The following CNOT6L variants were observed in gnomAD, a reference collection of about 807,000 sequenced individuals.
CNOT6L encodes CCR4-NOT transcription complex subunit 6 like.
Under a neutral mutation model 64.0 loss-of-function variants are expected in CNOT6L, and 7 were observed. The ratio of observed to expected loss-of-function variants is 0.11; its 90% CI spans 0.06 to 0.21. The LOEUF is 0.21. Ranked by LOEUF, CNOT6L falls within the 10% of genes least tolerant of loss-of-function variation. The pLI is 1.00. For synonymous variants in CNOT6L, 193 were observed against 243.4 expected (o/e 0.79, Z 1.93); for missense variants, 245 against 669.0 (o/e 0.37, Z 6.99).
rs760487087 is a variant in CNOT6L at position 77,776,417 on chromosome 4, A to T, written c.6-25T>A. 4.8e-6 allele frequency: 7 copies of T among 1,461,972 alleles called. No homozygotes were observed. The East Asian group carries it at 1.6e-4, about 34-fold the overall frequency. 90.6% of individuals were successfully genotyped at this position (1,461,972 alleles called of 1,614,324 possible). ...TCTGTTTAAAAAAAAAAAGGAGGAG[A>T]TCAATAATTATTATAGTCTTACTTT... On this transcript the variant is annotated intron_variant, in intron 1 of 11. Coordinates refer to ENST00000504123, the MANE Select transcript of CNOT6L (RefSeq NM_144571.3).
intron 1 of CNOT6L, among the ~76,000 whole-genome samples, chr4:77,781,197 G>T (rs994688261): frequency 6.6e-6 from 1 of 152,094 alleles, no homozygotes; most frequent in African/African-American, 2.4e-5. Flanking sequence ...GGGGGCAAGG[G>T]GAGGGAGAGC....
intron 11 of CNOT6L, among the ~76,000 whole-genome samples, chr4:77,721,361 A>G (rs758865055): frequency 7.2e-5 from 11 of 152,130 alleles, no homozygotes; most frequent in Non-Finnish European, 1.5e-4. Context: ...TAAGTCTAAA[A>G]CCAGGGGGCT....
Position 77,774,708 on chromosome 4 carries a change from G to T in CNOT6L, c.136C>A (p.Arg46=). 1.9e-6 allele frequency: 3 copies of T among 1,578,182 alleles called. No individual in the cohort carries two copies. The highest frequency in any genetic ancestry group is 2.6e-6 in the Non-Finnish European group (3 of 1,164,884). ...WAELEISGRV[R]SLSTSLWSLT... ...GACCAAAGTGATGTACTTAGGCTCC[G>T]CACTCTACCTAAAAGGCAAAATACT... Residue 46 remains arginine (R), a synonymous_variant, in exon 3 of 12, where the codon CGG becomes AGG. Transcript: ENST00000504123.
At chr4:77,817,741 C>T (rs1016189476) in intron 1 of CNOT6L, among the ~76,000 whole-genome samples, 3 of 152,212 alleles carry the variant, frequency 2.0e-5, no homozygotes, top group Non-Finnish European at 4.4e-5. Flanking sequence ...CTTCTCTTCC[C>T]TCCACTTCCC....
Position 77,720,090 on chromosome 4 carries a change from C to T in CNOT6L, c.*341G>A, listed in dbSNP as rs958106568. 5.0e-5 allele frequency: 9 copies of T among 181,138 alleles called. No homozygotes were observed. The Admixed American group carries it at 5.2e-4, about 11-fold the overall frequency. 11.2% of individuals were successfully genotyped at this position (181,138 alleles called of 1,614,324 possible). A position where few individuals can be genotyped will look rare whatever the true frequency, so the allele number is the denominator to read the frequency against. ...AAATGGTTGGCTCACTGAAACCATTCAAAAGAAAGTATTTGTTTTGGAAAA... is the reference window on the plus strand; with the variant it reads ...AAATGGTTGGCTCACTGAAACCATTTAAAAGAAAGTATTTGTTTTGGAAAA... On this transcript the variant is annotated 3_prime_UTR_variant, in exon 12 of 12. Coordinates refer to ENST00000504123, the MANE Select transcript of CNOT6L (RefSeq NM_144571.3).
At chr4:77,773,939 G>T (rs1371018733) in intron 3 of CNOT6L, among the ~76,000 whole-genome samples, 1 of 152,060 alleles carries the variant, frequency 6.6e-6, no homozygotes, top group Non-Finnish European at 1.5e-5. Context: ...GCAAGTAAAG[G>T]ATAGTGAAGA....
At chr4:77,753,901 TAAAA>T (rs35875677) in intron 5 of CNOT6L, among the ~76,000 whole-genome samples, 1 of 138,554 alleles carries the variant, frequency 7.2e-6, no homozygotes. Context: ...CTACTCATGT[TAAAA>T]AAAAAAAAAA....
At chr4:77,725,994 T>C in intron 11 of CNOT6L, 173 bp downstream of exon 11, 3 of 609,114 alleles carry the variant, frequency 4.9e-6, no homozygotes, top group Non-Finnish European at 8.7e-6. Flanking sequence ...AAGACAACAA[T>C]AGCCACAAAA....
intron 7 of CNOT6L, 68 bp from the exon 8 acceptor site, chr4:77,742,363 C>G (rs988077905): frequency 7.3e-7 from 1 of 1,363,772 alleles, no homozygotes; most frequent in African/African-American, 1.4e-5. Flanking sequence ...TAAAAATGTT[C>G]AGCATTATGA....
chr4:77,733,946 A>G (rs1185732797), intron 8 of CNOT6L, among the ~76,000 whole-genome samples: 3 of 152,166 alleles, frequency 2.0e-5, no homozygotes, highest in Non-Finnish European at 4.4e-5. Flanking sequence ...AATTTGCTCA[A>G]CAAATTTAAA....
At chr4:77,755,638 A>G (rs1725478632) in intron 5 of CNOT6L, among the ~76,000 whole-genome samples, 1 of 152,182 alleles carries the variant, frequency 6.6e-6, no homozygotes, top group Non-Finnish European at 1.5e-5. Flanking sequence ...GCTGATTTCT[A>G]TTGATCAACT....
At chr4:77,766,364 A>C (rs1261362506) in intron 4 of CNOT6L, among the ~76,000 whole-genome samples, 1 of 152,158 alleles carries the variant, frequency 6.6e-6, no homozygotes, top group Non-Finnish European at 1.5e-5. Flanking sequence ...AATCTAAAAA[A>C]CTTTTTTAAC....
intron 4 of CNOT6L, among the ~76,000 whole-genome samples, chr4:77,770,617 A>ATATG (rs33962414): frequency 5.9e-4 from 2 of 3,394 alleles, no homozygotes; most frequent in Admixed American, 8.9e-3. Flanking sequence ...AGGTACTTAC[A>ATATG]ACAAATTGAA....
intron 1 of CNOT6L, among the ~76,000 whole-genome samples, chr4:77,795,548 T>G (rs547455879): frequency 9.2e-5 from 14 of 152,226 alleles, no homozygotes; most frequent in African/African-American, 2.9e-4. Flanking sequence ...AGCTGGTTAT[T>G]TGAAAAGTGT....
At chr4:77,741,419 G>A (rs1723576922) in intron 8 of CNOT6L, among the ~76,000 whole-genome samples, 2 of 152,072 alleles carry the variant, frequency 1.3e-5, no homozygotes, top group South Asian at 4.1e-4. Flanking sequence ...ATTTCCTAAC[G>A]TATGAAATCC....
At chr4:77,818,929 A>C in intron 1 of CNOT6L, 1 of 605,614 alleles carries the variant, frequency 1.7e-6, no homozygotes. Flanking sequence ...CGTGTGCCGC[A>C]CTCACTCAGC....
intron 1 of CNOT6L, among the ~76,000 whole-genome samples, chr4:77,807,045 T>G (rs1049198345): frequency 6.6e-6 from 1 of 152,104 alleles, no homozygotes; most frequent in African/African-American, 2.4e-5. Flanking sequence ...CCTCACAATC[T>G]TTTGTATTTT....
At chr4:77,805,058 G>C (rs1426017296) in intron 1 of CNOT6L, among the ~76,000 whole-genome samples, 1 of 151,962 alleles carries the variant, frequency 6.6e-6, no homozygotes, top group African/African-American at 2.4e-5. Flanking sequence ...CATGTATATA[G>C]AGGGCCAATT....
chr4:77,756,784 G>T, intron 5 of CNOT6L, 78 bp downstream of exon 5: 1 of 847,900 alleles, frequency 1.2e-6, no homozygotes, highest in Non-Finnish European at 1.9e-6. Flanking sequence ...AAAACAGTCA[G>T]ATGCTCTTGA....
Sources: gnomAD v4.1 joint callset for allele counts (sites outside exome capture counted in the v4.1 genomes callset) on GRCh38, gnomAD v4.1.1 for gene constraint, MANE v1.5 for transcripts, NCBI Gene and HGNC (gene_info 2026-07-23, HGNC 2026-07-21) for gene names.